Variants in ARMC2 observed in about 807,000 individuals in gnomAD.
ARMC2 encodes the protein armadillo repeat-containing protein 2.
A neutral mutation model predicts 90.3 loss-of-function variants in ARMC2; 67 were observed. The ratio of observed to expected loss-of-function variants is 0.74; its 90% confidence interval spans 0.61 to 0.91. ARMC2 has a LOEUF of 0.91. ARMC2 is among the 40% of genes least tolerant of loss of function. The pLI is 0.00. For missense variants in ARMC2, 920 were observed against 1,030.9 expected (o/e 0.89, Z 1.47); for synonymous variants, 393 against 393.0 (o/e 1.00, Z 0.00).
At position 108,858,084 on chromosome 6, in the gene ARMC2, A is replaced by G. The variant is rs961394250; in HGVS notation, c.219-115A>G. ...ATAACATGAAAAAATGTTTTTCCTC[A>G]TGGTTTATGCATTGCATCCTTTTAC... On this transcript the variant is annotated intron_variant, in intron 2 of 17. Coordinates refer to ENST00000392644, the MANE Select transcript of ARMC2 (RefSeq NM_032131.6). The G allele has an allele frequency of 2.2e-5, 14 of 650,022 alleles. No individual in the cohort carries two copies. The Admixed American group carries it at 3.6e-4, about 16-fold the overall frequency. 40.3% of individuals were successfully genotyped at this position (650,022 alleles called of 1,614,324 possible).
the ARMC2 span, among the ~76,000 whole-genome samples, chr6:109,022,170 CG>C: frequency 6.6e-6 from 1 of 151,868 alleles, no homozygotes. Flanking sequence ...TTACTCCTAA[CG>C]GGGCACCTGG....
chr6:108,979,119 T>C (rs1006989416), downstream of ARMC2, among the ~76,000 whole-genome samples: 7 of 152,214 alleles, frequency 4.6e-5, no homozygotes, highest in Non-Finnish European at 1.0e-4. Context: ...ATGTTTTTGC[T>C]GTGGCTGGTA....
chr6:108,942,949 A>G (rs1486425213), intron 12 of ARMC2, among the ~76,000 whole-genome samples: 1 of 152,242 alleles, frequency 6.6e-6, no homozygotes, highest in Non-Finnish European at 1.5e-5. Flanking sequence ...TGATAAATGA[A>G]ATGTCACCTA....
chr6:108,937,612 A>G (rs753210966), intron 12 of ARMC2, among the ~76,000 whole-genome samples: 4 of 152,238 alleles, frequency 2.6e-5, no homozygotes, highest in Non-Finnish European at 5.9e-5. Context: ...GCAAAAATGT[A>G]TATAGTTGTT....
At chr6:108,882,251 ATGGTGAAACC>A (rs1777660139) in intron 5 of ARMC2, among the ~76,000 whole-genome samples, 1 of 152,122 alleles carries the variant, frequency 6.6e-6, no homozygotes, top group African/African-American at 2.4e-5. Context: ...CCTGGCTAAC[ATGGTGAAACC>A]CTGTCTCTAC....
At chr6:108,942,414 A>G (rs9480897) in intron 12 of ARMC2, among the ~76,000 whole-genome samples, 14,935 of 152,074 alleles carry the variant, frequency 0.098, 1,631 homozygotes, top group African/African-American at 0.27. Context: ...CATGTTTCCC[A>G]TGTCCCAGGT....
intron 5 of ARMC2, among the ~76,000 whole-genome samples, chr6:108,890,237 T>C (rs1203485400): frequency 7.9e-6 from 1 of 127,040 alleles, no homozygotes; most frequent in Non-Finnish European, 1.7e-5. Flanking sequence ...AAACAGTGGT[T>C]TCTTAGTTCC....
chr6:108,912,307 CATT>C, intron 9 of ARMC2, 25 bp from the exon 10 acceptor site: 3 of 1,500,544 alleles, frequency 2.0e-6, no homozygotes, highest in Non-Finnish European at 2.7e-6. Flanking sequence ...TATACTCAGA[CATT>C]TATAATAATT....
downstream of ARMC2, among the ~76,000 whole-genome samples, chr6:108,979,019 G>A (rs1198133353): frequency 6.6e-6 from 1 of 152,164 alleles, no homozygotes; most frequent in Non-Finnish European, 1.5e-5. Flanking sequence ...GTTGTTATGT[G>A]TGAATTTGAT....
At chr6:108,859,401 G>A (rs1000435886) in intron 3 of ARMC2, among the ~76,000 whole-genome samples, 1 of 152,078 alleles carries the variant, frequency 6.6e-6, no homozygotes, top group Non-Finnish European at 1.5e-5. Flanking sequence ...ATTTGGTAGA[G>A]CATTCCCTCC....
chr6:108,904,444 C>T, intron 8 of ARMC2, 39 bp downstream of exon 8: 1 of 1,499,134 alleles, frequency 6.7e-7, no homozygotes, highest in Non-Finnish European at 9.0e-7. Context: ...GACTATATCA[C>T]ATAAAAGCTT....
intron 8 of ARMC2, among the ~76,000 whole-genome samples, chr6:108,905,854 T>C (rs972685022): frequency 6.6e-6 from 1 of 152,136 alleles, no homozygotes; most frequent in African/African-American, 2.4e-5. Context: ...TCTGACTAGC[T>C]ACAGAACCAG....
the ARMC2 span, among the ~76,000 whole-genome samples, chr6:108,997,205 G>T: frequency 6.6e-6 from 1 of 152,270 alleles, no homozygotes; most frequent in South Asian, 2.1e-4. Flanking sequence ...GCTTATTAGA[G>T]AAATAAAAAT....
In ARMC2 at chr6:108,953,319, CG is replaced by C; in HGVS notation, c.1887del (p.Ile630Ter). The C allele has an allele frequency of 1.2e-6, 2 of 1,608,416 alleles. No individual in the cohort carries two copies. The stretch of plus-strand genomic sequence containing the variant: ...GTGGGCCCGGTGCTGGCCGCCAACC[CG>C]GGGATAGTGGGCCTGCTCCTGACCA... Reference protein sequence around the residue: ...PGVGPVLAANPGIVGLLLTTL... With the variant: ...PGVGPVLAANXGIVGLLLTTL... On this transcript the variant is annotated frameshift_variant, in exon 13 of 18. Coordinates refer to ENST00000392644, the MANE Select transcript of ARMC2 (RefSeq NM_032131.6). LOFTEE classifies it high-confidence loss of function.
the ARMC2 span, among the ~76,000 whole-genome samples, chr6:108,988,184 T>A: frequency 6.6e-6 from 1 of 152,212 alleles, no homozygotes; most frequent in Non-Finnish European, 1.5e-5. Context: ...AGACACTGTT[T>A]TATCAGAATA....
chr6:108,911,362 T>C (rs1272062292), intron 9 of ARMC2, among the ~76,000 whole-genome samples: 2 of 152,188 alleles, frequency 1.3e-5, no homozygotes, highest in South Asian at 2.1e-4. Flanking sequence ...TGACTAAAAG[T>C]TGAAAGACAT....
In ARMC2 at chr6:108,925,003, G is replaced by A. The variant is rs978649738; in HGVS notation, c.1351-3085G>A. Among the ~76,000 whole-genome samples, 9 of 152,250 alleles carry A rather than the reference G, an allele frequency of 5.9e-5. No individual in the cohort carries two copies. In the East Asian group the frequency reaches 9.6e-4, roughly 16 times the overall value. On this transcript the variant is annotated intron_variant, in intron 10 of 17. Transcript: ENST00000392644. ...AGGAGCTGCTGTCAGAAATGAGATA[G>A]GCTAGAGAACAAATACACAGAGGCT...
chr6:108,945,762 C>T (rs1394529080), intron 12 of ARMC2, among the ~76,000 whole-genome samples: 1 of 152,248 alleles, frequency 6.6e-6, no homozygotes. Flanking sequence ...GAAAGCAAAA[C>T]CACCTCCATT....
chr6:108,863,861 C>G (rs931376412), intron 3 of ARMC2, among the ~76,000 whole-genome samples: 1 of 152,220 alleles, frequency 6.6e-6, no homozygotes, highest in African/African-American at 2.4e-5. Context: ...TTTCTGGGCT[C>G]AGAATCCGCC....
Sources: allele counts gnomAD v4.1 joint callset (sites outside exome capture counted in the v4.1 genomes callset), GRCh38; gene constraint gnomAD v4.1.1; transcripts MANE v1.5; gene names NCBI Gene and HGNC (gene_info 2026-07-23, HGNC 2026-07-21).